The following C3orf33 variants were observed in gnomAD, a reference collection of about 807,000 sequenced individuals.
C3orf33 encodes mitochondrial inner membrane subdomain organizer 1, also known as AP-1 activity suppressor.
C3orf33 carries 23 observed loss-of-function variants against 28.7 expected under a neutral mutation model. The observed-to-expected ratio is 0.80, with a 90% CI of 0.58 to 1.13. The LOEUF is 1.13. Ranked by LOEUF, C3orf33 falls within the 50% of genes most tolerant of loss-of-function variation. The pLI, the probability that C3orf33 is intolerant of heterozygous loss-of-function variation, is 0.00. For missense variants in C3orf33, 327 were observed against 353.4 expected (o/e 0.93, Z 0.60); for synonymous variants, 119 against 120.5 (o/e 0.99, Z 0.08).
chr3:155,793,312 G>A (rs183672927), intron 2 of C3orf33, among the ~76,000 whole-genome samples: 34 of 150,526 alleles, frequency 2.3e-4, no homozygotes, highest in Non-Finnish European at 3.4e-4. Context: ...CAAAAGCTGA[G>A]GGACTTCCTC....
At chr3:155,774,235 T>C (rs1750670765) in intron 3 of C3orf33, among the ~76,000 whole-genome samples, 3 of 152,174 alleles carry the variant, frequency 2.0e-5, no homozygotes, top group Admixed American at 2.0e-4. Flanking sequence ...CACAGTTCAG[T>C]AAGGAATATA....
At chr3:155,768,751 T>TA (rs1020004284) in intron 3 of C3orf33, among the ~76,000 whole-genome samples, 6 of 152,218 alleles carry the variant, frequency 3.9e-5, no homozygotes, top group Non-Finnish European at 5.9e-5. Flanking sequence ...TATTATTTGA[T>TA]AAAAAAATAA....
intron 1 of C3orf33, among the ~76,000 whole-genome samples, chr3:155,804,865 G>A (rs906790756): frequency 6.6e-6 from 1 of 152,134 alleles, no homozygotes; most frequent in Non-Finnish European, 1.5e-5. Context: ...CCCATATCCA[G>A]TTGCCAAGGA....
chr3:155,767,735 T>C, intron 3 of C3orf33, 66 bp from the exon 4 acceptor site: 1 of 1,179,788 alleles, frequency 8.5e-7, no homozygotes, highest in Non-Finnish European at 1.1e-6. Context: ...TTCCAGTCAG[T>C]TGGCCTCCAA....
intron 2 of C3orf33, among the ~76,000 whole-genome samples, chr3:155,784,956 T>C (rs1751054216): frequency 1.3e-5 from 2 of 151,718 alleles, no homozygotes; most frequent in South Asian, 4.1e-4. Context: ...TTAAAAATTA[T>C]CATTCAACCA....
In C3orf33 at chr3:155,767,657, C is replaced by A; in HGVS notation, c.335G>T (p.Gly112Val). 6.4e-7 allele frequency: 1 copy of A among 1,555,688 alleles called. No homozygotes were observed. The highest frequency in any genetic ancestry group is 8.7e-7 in the Non-Finnish European group (1 of 1,146,108). The change falls in exon 4 of 5, where the codon GGT (glycine) becomes GTT (valine). Residue 112 changes from glycine (G) to valine (V), a missense_variant. Coordinates refer to ENST00000340171, the MANE Select transcript of C3orf33 (RefSeq NM_001308229.2). The stretch of plus-strand genomic sequence containing the variant: ...TCCAGCCAACTTAACCAGCAAAGCA[C>A]CACGTGGCTCTTCTAAAAAGGTTAG... ...IIASLRKEPR[G>V]ALLVKLAGVE...
rs948933544 is a variant in C3orf33, at chr3:155,805,991, C to T, written c.114+148G>A. The T allele has an allele frequency of 3.5e-4, 192 of 553,896 alleles. 2 individuals are homozygous for T. Among genetic ancestry groups the T allele is most frequent in the Non-Finnish European group, 6.0e-5 (20 of 335,158 alleles). 34.3% of individuals were successfully genotyped at this position (553,896 alleles called of 1,614,324 possible). On this transcript the variant is annotated intron_variant, in intron 1 of 4. Transcript: ENST00000340171. ...TGCAGCCCCGCACACACGACACTCG[C>T]GATGTCGCCCTCTCGAGCTCATTCC...
chr3:155,772,731 T>C (rs1313019953), intron 3 of C3orf33, among the ~76,000 whole-genome samples: 1 of 151,666 alleles, frequency 6.6e-6, no homozygotes, highest in African/African-American at 2.4e-5. Context: ...ATTGGAGGAA[T>C]GAAGTATTCT....
At chr3:155,786,871 T>C (rs1751133817) in intron 2 of C3orf33, among the ~76,000 whole-genome samples, 1 of 152,068 alleles carries the variant, frequency 6.6e-6, no homozygotes, top group Non-Finnish European at 1.5e-5. Flanking sequence ...GATGGAATCA[T>C]GAAGAAAGTA....
At chr3:155,774,944 A>T (rs1750695413) in intron 3 of C3orf33, among the ~76,000 whole-genome samples, 1 of 151,926 alleles carries the variant, frequency 6.6e-6, no homozygotes, top group African/African-American at 2.4e-5. Flanking sequence ...TTCTCTGACT[A>T]CTCTATATGT....
At chr3:155,769,224 C>T (rs544056102) in intron 3 of C3orf33, among the ~76,000 whole-genome samples, 10 of 151,628 alleles carry the variant, frequency 6.6e-5, no homozygotes, top group South Asian at 4.2e-4. Flanking sequence ...AGGCAGGAGA[C>T]GTGCTTGAAT....
chr3:155,801,738 G>GT (rs947842703), intron 2 of C3orf33, among the ~76,000 whole-genome samples: 7 of 151,780 alleles, frequency 4.6e-5, no homozygotes, highest in African/African-American at 1.5e-4. Context: ...TGGAGTTATT[G>GT]TTTTTTTGTT....
chr3:155,795,541 A>AT, intron 2 of C3orf33, among the ~76,000 whole-genome samples: 1 of 152,308 alleles, frequency 6.6e-6, no homozygotes, highest in Admixed American at 6.5e-5. Flanking sequence ...TACAACTAGA[A>AT]ATCTATAACA....
intron 2 of C3orf33, among the ~76,000 whole-genome samples, chr3:155,798,595 C>A (rs1333507539): frequency 6.6e-6 from 1 of 151,816 alleles, no homozygotes; most frequent in African/African-American, 2.4e-5. Flanking sequence ...AGACCTCTCT[C>A]TCTCATCATA....
chr3:155,775,880 CTTATTA>C, intron 2 of C3orf33, 32 bp from the exon 3 acceptor site: 1 of 1,465,658 alleles, frequency 6.8e-7, no homozygotes, highest in South Asian at 1.2e-5. Context: ...AATATAACCA[CTTATTA>C]TTATTGTCAT....
In C3orf33 at chr3:155,763,412, A is replaced by G; in HGVS notation, c.*105T>C. 8.0e-6 allele frequency: 6 copies of G among 752,614 alleles called. No individual in the cohort carries two copies. The South Asian group carries it at 1.2e-4, about 15-fold the overall frequency. 46.6% of individuals were successfully genotyped at this position (752,614 alleles called of 1,614,324 possible). ...AATATTTAAATACCATTGGACTAAC[A>G]CTTTGATCATTTGGCAAAACTTCCA... On this transcript the variant is annotated 3_prime_UTR_variant, in exon 5 of 5. Transcript: ENST00000340171.
At chr3:155,795,239 T>C (rs1751441714) in intron 2 of C3orf33, among the ~76,000 whole-genome samples, 1 of 152,178 alleles carries the variant, frequency 6.6e-6, no homozygotes, top group Non-Finnish European at 1.5e-5. Context: ...ATAGACCACC[T>C]GAGTTCGGGA....
chr3:155,793,838 T>TAAAAAAAAAAA (rs1751395135), intron 2 of C3orf33, among the ~76,000 whole-genome samples: 1 of 109,636 alleles, frequency 9.1e-6, no homozygotes, highest in Non-Finnish European at 2.2e-5. Context: ...CTAAAAAAAC[T>TAAAAAAAAAAA]AAAAAAACTA....
rs1315160450 is a variant in C3orf33 at position 155,796,247 on chromosome 3, A to T, written c.174+6285T>A. On this transcript the variant is annotated intron_variant, in intron 2 of 4. Transcript: ENST00000340171. ...TTTGAAAAGATAAACAAAGCCGACA[A>T]ACCTTTAGCCAGACTAAGAAAAGAA... is the stretch of plus-strand genomic sequence containing the variant. Among the ~76,000 whole-genome samples, 3 of 152,150 alleles carry T rather than the reference A, an allele frequency of 2.0e-5. No homozygotes were observed. The East Asian group carries it at 5.8e-4, about 29-fold the overall frequency.
Sources: gnomAD v4.1 joint callset for allele counts (sites outside exome capture counted in the v4.1 genomes callset) on GRCh38, gnomAD v4.1.1 for gene constraint, MANE v1.5 for transcripts, NCBI Gene and HGNC (gene_info 2026-07-23, HGNC 2026-07-21) for gene names.